RPRD2: variants seen among roughly 807,000 people sequenced by gnomAD.
The protein encoded by RPRD2 is regulation of nuclear pre-mRNA domain-containing protein 2.
In RPRD2, 12 loss-of-function variants were observed where a neutral mutation model predicts 104.4. The ratio of observed to expected loss-of-function variants is 0.11; its 90% CI spans 0.07 to 0.19. The LOEUF (loss-of-function observed/expected upper bound fraction) is 0.19. Ranked by LOEUF, RPRD2 falls within the 10% of genes least tolerant of loss-of-function variation. The pLI is 1.00. For synonymous variants in RPRD2, 714 were observed against 684.9 expected (o/e 1.04, Z -0.66); for missense variants, 1,543 against 1,790.1 (o/e 0.86, Z 2.49).
chr1:150,403,541 T>G (rs923469263), intron 1 of RPRD2, among the ~76,000 whole-genome samples: 11 of 152,242 alleles, frequency 7.2e-5, no homozygotes, highest in Non-Finnish European at 1.3e-4. Context: ...CTGGGTTATT[T>G]CCATAACATA....
intron 2 of RPRD2, among the ~76,000 whole-genome samples, chr1:150,433,361 G>A (rs1572465180): frequency 6.9e-6 from 1 of 145,956 alleles, no homozygotes; most frequent in East Asian, 2.0e-4. Context: ...TCAACAGACA[G>A]ACCCTCTCTC....
chr1:150,437,109 G>T (rs1347226606), intron 2 of RPRD2, among the ~76,000 whole-genome samples: 2 of 152,132 alleles, frequency 1.3e-5, no homozygotes, highest in Non-Finnish European at 2.9e-5. Context: ...TCCTTTTATG[G>T]ATCTGGGCAA....
intron 9 of RPRD2, among the ~76,000 whole-genome samples, chr1:150,463,198 G>T: frequency 6.6e-6 from 1 of 152,126 alleles, no homozygotes; most frequent in Middle Eastern, 3.4e-3. Flanking sequence ...GTGGGATACC[G>T]TGTAGTCCCA....
intron 1 of RPRD2, among the ~76,000 whole-genome samples, chr1:150,366,675 G>C (rs1270389985): frequency 6.6e-6 from 1 of 152,180 alleles, no homozygotes; most frequent in East Asian, 1.9e-4. Flanking sequence ...CAGTAAAATG[G>C]TGGGGTTAGG....
chr1:150,383,463 C>T (rs782636853), intron 1 of RPRD2, among the ~76,000 whole-genome samples: 9 of 151,860 alleles, frequency 5.9e-5, no homozygotes, highest in African/African-American at 1.2e-4. Context: ...TACAGATGCG[C>T]GTGCCACCAC....
chr1:150,432,582 A>G (rs1379470380), intron 2 of RPRD2, among the ~76,000 whole-genome samples: 2 of 150,630 alleles, frequency 1.3e-5, no homozygotes, highest in Admixed American at 1.3e-4. Flanking sequence ...AATGGCTGAA[A>G]TGGCACACTT....
intron 1 of RPRD2, among the ~76,000 whole-genome samples, chr1:150,367,523 T>C (rs1274504436): frequency 1.3e-5 from 2 of 152,152 alleles, no homozygotes; most frequent in African/African-American, 4.8e-5. Flanking sequence ...TTCTCTTTTT[T>C]CTTCTGACAT....
At chr1:150,395,473 A>G (rs781906339) in intron 1 of RPRD2, among the ~76,000 whole-genome samples, 6 of 148,726 alleles carry the variant, frequency 4.0e-5, no homozygotes, top group Non-Finnish European at 8.9e-5. Flanking sequence ...CGTTTTTGCA[A>G]TTGCAAATTG....
At chr1:150,384,447 C>CATTATT (rs1285755889) in intron 1 of RPRD2, among the ~76,000 whole-genome samples, 4 of 97,850 alleles carry the variant, frequency 4.1e-5, no homozygotes, top group East Asian at 2.7e-4. Flanking sequence ...AAGGCATCAT[C>CATTATT]ATCATTATTA....
chr1:150,441,027 A>G lies in RPRD2; in HGVS notation c.436+4A>G, dbSNP rs782309739. The G allele has an allele frequency of 6.7e-6, 10 of 1,491,212 alleles. No individual in the cohort carries two copies. The South Asian group carries it at 1.3e-4, about 19-fold the overall frequency. The allele number at this position is 1,491,212 out of a possible 1,614,324, so 92.4% of individuals were successfully genotyped here. A position where few individuals can be genotyped will look rare whatever the true frequency, so the allele number is the denominator to read the frequency against. ...GTGGCATTGAGAGAAGCTTTGAGTAAGTGTCTTTTTCTCTCCTAAAAGAAA... is the reference window on the plus strand; with the variant it reads ...GTGGCATTGAGAGAAGCTTTGAGTAGGTGTCTTTTTCTCTCCTAAAAGAAA... On this transcript the variant is annotated splice_donor_region_variant and intron_variant, in intron 3 of 10. Transcript: ENST00000369068.
intron 1 of RPRD2, among the ~76,000 whole-genome samples, chr1:150,366,589 T>C (rs1456435771): frequency 6.6e-6 from 1 of 152,218 alleles, no homozygotes; most frequent in East Asian, 1.9e-4. Flanking sequence ...TAAAATCGTC[T>C]GAGAAGTAGA....
intron 10 of RPRD2, among the ~76,000 whole-genome samples, chr1:150,466,011 C>CA (rs71578500): frequency 0.072 from 4,871 of 67,984 alleles, 189 homozygotes; most frequent in African/African-American, 0.17. Context: ...AGACTCAGTC[C>CA]AAAAAAAAAA....
chr1:150,415,649 C>A (rs979404769), intron 1 of RPRD2, among the ~76,000 whole-genome samples: 5 of 152,014 alleles, frequency 3.3e-5, no homozygotes, highest in Admixed American at 2.0e-4. Flanking sequence ...CCACTGCACC[C>A]CAGCCTAGGT....
Position 150,473,159 on chromosome 1 carries a change from G to C in RPRD2, c.4211G>C (p.Arg1404Thr), listed in dbSNP as rs1341119312. The change falls in exon 11 of 11, where the codon AGA becomes ACA. Residue 1404 changes from arginine to threonine, a missense_variant. Arg to Thr is a moderately conservative substitution (Grantham distance 71). Coordinates refer to ENST00000369068, the MANE Select transcript of RPRD2 (RefSeq NM_015203.5). ...SSGPPLGPSH[R>T]DTISRSGIIL... ...GGCCCCCCCTTGGGTCCCTCACACA[G>C]AGACACCATCAGCCGGAGTGGTATA... 2.3e-5 allele frequency: 37 copies of C among 1,613,896 alleles called. No individual in the cohort carries two copies. The highest frequency in any genetic ancestry group is 2.8e-5 in the Non-Finnish European group (33 of 1,179,890).
At chr1:150,418,901 A>G (rs185599166) in intron 2 of RPRD2, among the ~76,000 whole-genome samples, 2 of 152,230 alleles carry the variant, frequency 1.3e-5, no homozygotes, top group African/African-American at 4.8e-5. Flanking sequence ...AGTCCCAGCT[A>G]CTCAGGAGGC....
At chr1:150,440,294 C>T (rs143565132) in intron 2 of RPRD2, among the ~76,000 whole-genome samples, 80 of 152,220 alleles carry the variant, frequency 5.3e-4, no homozygotes, top group Admixed American at 2.1e-3. Flanking sequence ...TCTCGAACTC[C>T]TGACCTCAGG....
At chr1:150,421,942 A>G (rs1476937733) in intron 2 of RPRD2, among the ~76,000 whole-genome samples, 1 of 152,004 alleles carries the variant, frequency 6.6e-6, no homozygotes, top group Non-Finnish European at 1.5e-5. Flanking sequence ...ATACCATGGC[A>G]CTCCACACTC....
chr1:150,412,390 G>A (rs1302354074), intron 1 of RPRD2, among the ~76,000 whole-genome samples: 1 of 152,100 alleles, frequency 6.6e-6, no homozygotes, highest in Non-Finnish European at 1.5e-5. Flanking sequence ...GGTGGTTTGC[G>A]GGAAGAAGTA....
At chr1:150,414,630 A>G (rs1252024263) in intron 1 of RPRD2, among the ~76,000 whole-genome samples, 3 of 151,410 alleles carry the variant, frequency 2.0e-5, no homozygotes, top group Non-Finnish European at 4.4e-5. Flanking sequence ...GTGACAGATT[A>G]TTCTGCGCGC....
Sources: gnomAD v4.1 joint callset for allele counts (sites outside exome capture counted in the v4.1 genomes callset) on GRCh38, gnomAD v4.1.1 for gene constraint, MANE v1.5 for transcripts, NCBI Gene and HGNC (gene_info 2026-07-23, HGNC 2026-07-21) for gene names.